The following GALNTL6 variants were observed in gnomAD, a reference collection of about 807,000 sequenced individuals.
The protein encoded by GALNTL6 is polypeptide N-acetylgalactosaminyltransferase like 6.
In GALNTL6, 46 loss-of-function variants were observed where a neutral mutation model predicts 73.7. The observed-to-expected ratio is 0.62, with a 90% confidence interval of 0.49 to 0.80. GALNTL6 has a LOEUF of 0.80. GALNTL6 is among the 30% of genes least tolerant of loss of function. GALNTL6 has a pLI of 0.00. For missense variants in GALNTL6, 604 were observed against 755.0 expected, an observed-to-expected ratio of 0.80 and a Z score of 2.34; for synonymous variants, 259 against 263.7, an observed-to-expected ratio of 0.98 and a Z score of 0.17.
At chr4:173,014,383 C>T (rs1442276670) in intron 11 of GALNTL6, among the ~76,000 whole-genome samples, 1 of 152,132 alleles carries the variant, frequency 6.6e-6, no homozygotes, top group Admixed American at 6.5e-5. Context: ...CCCCCTTGGT[C>T]TAGTTTGGCT....
intron 5 of GALNTL6, among the ~76,000 whole-genome samples, chr4:172,720,202 C>T (rs1037512852): frequency 3.3e-5 from 5 of 152,082 alleles, no homozygotes; most frequent in African/African-American, 9.7e-5. Flanking sequence ...CAGCTAATGA[C>T]GGGGTCCTTG....
intron 2 of GALNTL6, among the ~76,000 whole-genome samples, chr4:171,937,254 A>G (rs1198788049): frequency 1.3e-5 from 2 of 152,128 alleles, no homozygotes; most frequent in Non-Finnish European, 2.9e-5. Flanking sequence ...TTGAATTTTT[A>G]ATAAGAATTA....
chr4:171,966,133 C>A (rs1739375397), intron 2 of GALNTL6, among the ~76,000 whole-genome samples: 1 of 152,146 alleles, frequency 6.6e-6, no homozygotes, highest in South Asian at 2.1e-4. Flanking sequence ...ACCACCACAC[C>A]TTTCATTATA....
intron 2 of GALNTL6, among the ~76,000 whole-genome samples, chr4:172,214,622 C>A: frequency 6.6e-6 from 1 of 150,480 alleles, no homozygotes; most frequent in East Asian, 2.0e-4. Flanking sequence ...TCAAGTGATT[C>A]TCCTGCTTCA....
intron 2 of GALNTL6, among the ~76,000 whole-genome samples, chr4:171,877,631 G>GAAA (rs200226807): frequency 1.3e-4 from 19 of 141,146 alleles, no homozygotes; most frequent in Non-Finnish European, 2.6e-4. Context: ...TCACTCAAGT[G>GAAA]AAAAAAAAAA....
intron 8 of GALNTL6, among the ~76,000 whole-genome samples, chr4:172,919,692 T>A (rs932546425): frequency 1.3e-5 from 2 of 152,242 alleles, no homozygotes; most frequent in African/African-American, 4.8e-5. Context: ...ACTCAAATTC[T>A]GGAGACATAT....
intron 2 of GALNTL6, among the ~76,000 whole-genome samples, chr4:172,157,261 G>C (rs1200508338): frequency 1.3e-5 from 2 of 152,078 alleles, no homozygotes; most frequent in African/African-American, 4.8e-5. Context: ...AAACTATATC[G>C]AGTCTCAGAA....
At chr4:172,828,935 A>G (rs552810936) in intron 7 of GALNTL6, among the ~76,000 whole-genome samples, 96 of 152,310 alleles carry the variant, frequency 6.3e-4, no homozygotes, top group African/African-American at 2.3e-3. Flanking sequence ...CTGGAGGGCA[A>G]GAAGTCCTAA....
intron 5 of GALNTL6, among the ~76,000 whole-genome samples, chr4:172,532,204 T>C (rs1735191760): frequency 1.3e-5 from 2 of 152,142 alleles, no homozygotes; most frequent in African/African-American, 4.8e-5. Context: ...GCAGATGTAA[T>C]ACAGTTAAGA....
chr4:171,827,089 T>C (rs945558835), intron 2 of GALNTL6, among the ~76,000 whole-genome samples: 2 of 152,158 alleles, frequency 1.3e-5, no homozygotes, highest in Non-Finnish European at 2.9e-5. Context: ...GGGATCAGTG[T>C]TCCAAAGTGG....
At chr4:172,592,716 C>CTATCT (rs1553963436) in intron 5 of GALNTL6, among the ~76,000 whole-genome samples, 10 of 151,536 alleles carry the variant, frequency 6.6e-5, no homozygotes, top group Admixed American at 4.6e-4. Flanking sequence ...ATCTATCTAT[C>CTATCT]GAGAGAGACT....
At chr4:172,693,844 AT>A (rs1484639771) in intron 5 of GALNTL6, among the ~76,000 whole-genome samples, 5 of 152,196 alleles carry the variant, frequency 3.3e-5, no homozygotes, top group African/African-American at 1.2e-4. Flanking sequence ...CCAGTTTGCT[AT>A]TCTCTTTGCC....
intron 5 of GALNTL6, among the ~76,000 whole-genome samples, chr4:172,459,005 C>T (rs1732511999): frequency 6.6e-6 from 1 of 152,170 alleles, no homozygotes; most frequent in African/African-American, 2.4e-5. Context: ...CATCAAAAAG[C>T]TTATCCACCA....
chr4:172,623,441 G>T (rs1009838224), intron 5 of GALNTL6, among the ~76,000 whole-genome samples: 1 of 151,770 alleles, frequency 6.6e-6, no homozygotes, highest in African/African-American at 2.4e-5. Context: ...AGGAAAAGAT[G>T]GATAATGAGA....
At chr4:172,396,063 C>A (rs1239635627) in intron 5 of GALNTL6, among the ~76,000 whole-genome samples, 1 of 152,078 alleles carries the variant, frequency 6.6e-6, no homozygotes, top group African/African-American at 2.4e-5. Context: ...CCAGCATACC[C>A]ACATTTTGTC....
intron 2 of GALNTL6, among the ~76,000 whole-genome samples, chr4:171,864,164 C>T (rs1450406670): frequency 6.6e-6 from 1 of 152,172 alleles, no homozygotes; most frequent in Non-Finnish European, 1.5e-5. Context: ...AGTACTTTAA[C>T]ATTCTCACTC....
At chr4:172,302,120 G>A (rs1739953805) in intron 3 of GALNTL6, among the ~76,000 whole-genome samples, 2 of 152,178 alleles carry the variant, frequency 1.3e-5, no homozygotes, top group Admixed American at 1.3e-4. Flanking sequence ...ATCTCAGACT[G>A]CTGTGCTAGC....
chr4:171,965,456 A>G (rs1739357342), intron 2 of GALNTL6, among the ~76,000 whole-genome samples: 1 of 152,066 alleles, frequency 6.6e-6, no homozygotes, highest in South Asian at 2.1e-4. Context: ...GGAGATCGAG[A>G]CCATCCTGGC....
At chr4:172,902,999 T>G (rs529680108) in intron 8 of GALNTL6, among the ~76,000 whole-genome samples, 1 of 152,326 alleles carries the variant, frequency 6.6e-6, no homozygotes, top group East Asian at 1.9e-4. Flanking sequence ...ATATATTTTA[T>G]TCCCACATTC....
Sources: gnomAD v4.1 joint callset for allele counts (sites outside exome capture counted in the v4.1 genomes callset) on GRCh38, gnomAD v4.1.1 for gene constraint, MANE v1.5 for transcripts, NCBI Gene and HGNC (gene_info 2026-07-23, HGNC 2026-07-21) for gene names.